The following MBTPS2 variants were observed in gnomAD, a reference collection of about 807,000 sequenced individuals.
MBTPS2 encodes the protein membrane bound transcription factor peptidase, site 2, also known as membrane-bound transcription factor site-2 protease.
Under a neutral mutation model 35.4 loss-of-function variants are expected in MBTPS2, and 2 were observed. The observed-to-expected ratio is 0.06, with a 90% confidence interval of 0.02 to 0.18. MBTPS2 has a LOEUF of 0.18. MBTPS2 is among the 10% of genes least tolerant of loss of function. The pLI, the probability that MBTPS2 is intolerant of heterozygous loss-of-function variation, is 1.00. For missense variants in MBTPS2, 244 were observed against 386.5 expected, an observed-to-expected ratio of 0.63 and a Z score of 3.09; for synonymous variants, 125 against 140.4, an observed-to-expected ratio of 0.89 and a Z score of 0.77.
rs1172444976 is a variant in MBTPS2 at position 21,852,504 on chromosome X, G to GT, written c.543-862dup. On this transcript the variant is annotated intron_variant, in intron 4 of 10. Coordinates refer to ENST00000379484, the MANE Select transcript of MBTPS2 (RefSeq NM_015884.4). ...AGTGGCTTAAAGTGGTGGCTGCTGGGTTTTTTTTTTCTTTTAAAATCGCCT... is the reference window on the plus strand; with the variant it reads ...AGTGGCTTAAAGTGGTGGCTGCTGGGTTTTTTTTTTTCTTTTAAAATCGCCT... 1.8e-4 allele frequency among the ~76,000 whole-genome samples: 19 copies of GT among 105,675 alleles called. 1 individual carries two copies. Among genetic ancestry groups the GT allele is most frequent in the Admixed American group, 8.1e-4 (8 of 9,877 alleles). 91.8% of individuals were successfully genotyped at this position (105,675 alleles called of 115,157 possible).
intron 5 of MBTPS2, chrX:21,856,355 T>C (rs1164885987): frequency 1.5e-6 from 1 of 647,441 alleles, no homozygotes; most frequent in Non-Finnish European, 2.3e-6. Context: ...TCTCTGCAGC[T>C]CGCGCCTTTC....
chrX:21,845,030 T>A (rs1261480730), intron 2 of MBTPS2, 141 bp from the exon 3 acceptor site: 8 of 899,802 alleles, frequency 8.9e-6, no homozygotes, highest in Non-Finnish European at 1.3e-5. Flanking sequence ...ATATTTGAAG[T>A]TCATGTAGGA....
chrX:21,852,057 C>T (rs1197628980), intron 4 of MBTPS2, among the ~76,000 whole-genome samples: 2 of 112,155 alleles, frequency 1.8e-5, no homozygotes, highest in Admixed American at 1.9e-4. Flanking sequence ...AAACTGAAAG[C>T]ACTGGGTTTA....
chrX:21,855,382 A>C (rs1271997909), intron 5 of MBTPS2, among the ~76,000 whole-genome samples: 1 of 111,398 alleles, frequency 9.0e-6, no homozygotes, highest in Non-Finnish European at 1.9e-5. Flanking sequence ...AATCAAAAAA[A>C]TCTAAATAGG....
At chrX:21,868,326 C>T in intron 5 of MBTPS2, 141 bp from the exon 6 acceptor site, 1 of 553,006 alleles carries the variant, frequency 1.8e-6, no homozygotes, top group Non-Finnish European at 3.3e-6. Context: ...GTCTGCTCTA[C>T]TAATAAGTAG....
intron 5 of MBTPS2, among the ~76,000 whole-genome samples, chrX:21,862,929 TAA>T (rs1491578053): frequency 4.4e-4 from 13 of 29,841 alleles, no homozygotes; most frequent in Admixed American, 3.6e-3. Flanking sequence ...CATATATATA[TAA>T]ACATATATAT....
At chrX:21,842,877 CTT>C (rs1370076943) in intron 1 of MBTPS2, among the ~76,000 whole-genome samples, 4 of 111,405 alleles carry the variant, frequency 3.6e-5, no homozygotes, top group Admixed American at 2.9e-4. Context: ...TTTTTATTGT[CTT>C]TTTATAATCC....
rs1269869119 is a variant in MBTPS2 at position 21,869,381 on chromosome X, G to C, written c.790-117G>C. 13 of 583,735 alleles carry C rather than the reference G, an allele frequency of 2.2e-5. No homozygotes were observed. The Admixed American group carries it at 2.7e-4, about 12-fold the overall frequency. 48.1% of individuals were successfully genotyped at this position (583,735 alleles called of 1,213,427 possible). ...GGACTATGTCTTGAATTCAAAGCTG[G>C]ATTATTTTCTGCATTCAAACTATTC... is the stretch of plus-strand genomic sequence containing the variant. On this transcript the variant is annotated intron_variant, in intron 6 of 10. Transcript: ENST00000379484.
chrX:21,841,197 G>A (rs982087392), intron 1 of MBTPS2, among the ~76,000 whole-genome samples: 4 of 111,599 alleles, frequency 3.6e-5, no homozygotes, highest in African/African-American at 9.8e-5. Flanking sequence ...GAGGTGGGAG[G>A]ATTGCCTGAG....
rs1000567402 is a variant in MBTPS2, at chrX:21,882,849, A to G, written c.*194A>G. 47 of 1,094,637 alleles carry G rather than the reference A, an allele frequency of 4.3e-5. No homozygotes were observed. The highest frequency in any genetic ancestry group is 9.1e-5 in the South Asian group (4 of 43,727). 90.2% of individuals were successfully genotyped at this position (1,094,637 alleles called of 1,213,427 possible). ...GTAGAAGATAAGCAGAAGAAATGAAAGGCATAGTCCCTGACTATATTCTAA... is the reference window on the plus strand; with the variant it reads ...GTAGAAGATAAGCAGAAGAAATGAAGGGCATAGTCCCTGACTATATTCTAA... On this transcript the variant is annotated 3_prime_UTR_variant, in exon 11 of 11. Coordinates refer to ENST00000379484, the MANE Select transcript of MBTPS2 (RefSeq NM_015884.4).
Position 21,883,894 on chromosome X carries a change from G to A in MBTPS2, c.*1239G>A. 2.7e-6 allele frequency: 2 copies of A among 754,177 alleles called. No homozygotes were observed. Among genetic ancestry groups the A allele is most frequent in the Non-Finnish European group, 3.1e-6 (2 of 639,374 alleles). 62.2% of individuals were successfully genotyped at this position (754,177 alleles called of 1,213,427 possible). A position where few individuals can be genotyped will look rare whatever the true frequency, so the allele number is the denominator to read the frequency against. On this transcript the variant is annotated 3_prime_UTR_variant, in exon 11 of 11. Coordinates refer to ENST00000379484, the MANE Select transcript of MBTPS2 (RefSeq NM_015884.4). ...CCTGGGAAATTTGGGGAGTCAGCAGGCCAGTGTGAAGCTATTGGTCCTAGG... is the reference window on the plus strand; with the variant it reads ...CCTGGGAAATTTGGGGAGTCAGCAGACCAGTGTGAAGCTATTGGTCCTAGG...
chrX:21,847,840 C>T (rs1019267823), intron 3 of MBTPS2, among the ~76,000 whole-genome samples: 2 of 111,668 alleles, frequency 1.8e-5, no homozygotes, highest in African/African-American at 6.5e-5. Context: ...TAAAAAGGGA[C>T]ATAGAAGTTC....
rs201999164 is a variant in MBTPS2 at position 21,865,317 on chromosome X, TG to T, written c.671-3149del. ...AGATACTTCCTGAGCACACTGTAAATGAAGATGTTTAAATTTTGAATTATGG... is the reference window on the plus strand; with the variant it reads ...AGATACTTCCTGAGCACACTGTAAATAAGATGTTTAAATTTTGAATTATGG... On this transcript the variant is annotated intron_variant, in intron 5 of 10. Transcript: ENST00000379484. Among the ~76,000 whole-genome samples the T allele has an allele frequency of 2.4e-3, 269 of 111,646 alleles. 1 individual carries two copies. The highest frequency in any genetic ancestry group is 8.2e-3 in the African/African-American group (253 of 30,757).
At chrX:21,867,667 T>A (rs2147447050) in intron 5 of MBTPS2, among the ~76,000 whole-genome samples, 1 of 102,983 alleles carries the variant, frequency 9.7e-6, no homozygotes, top group East Asian at 3.1e-4. Context: ...AGTCCTGCTC[T>A]GTGCTATGTC....
intron 5 of MBTPS2, chrX:21,858,304 G>T (rs2092926491): frequency 8.1e-6 from 1 of 123,150 alleles, no homozygotes; most frequent in Non-Finnish European, 1.9e-5. Context: ...AGATGCTGTT[G>T]TTTAGTGTAA....
intron 7 of MBTPS2, among the ~76,000 whole-genome samples, chrX:21,873,643 C>T (rs1340588434): frequency 9.0e-6 from 1 of 111,300 alleles, no homozygotes; most frequent in Non-Finnish European, 1.9e-5. Flanking sequence ...CAGACTCAGG[C>T]ATCCACCGTG....
intron 9 of MBTPS2, among the ~76,000 whole-genome samples, chrX:21,879,946 A>ATTCTTTTTTTTTTT (rs2092957234): frequency 2.5e-5 from 1 of 40,539 alleles, no homozygotes; most frequent in African/African-American, 1.9e-4. Flanking sequence ...GTTTTATGTT[A>ATTCTTTTTTTTTTT]TTCTTTTTTT....
chrX:21,880,380 C>T (rs1455702579), intron 9 of MBTPS2, among the ~76,000 whole-genome samples: 3 of 111,344 alleles, frequency 2.7e-5, no homozygotes, highest in Non-Finnish European at 5.6e-5. Context: ...AATAAAACCT[C>T]AACAAATGAA....
intron 10 of MBTPS2, among the ~76,000 whole-genome samples, chrX:21,881,326 C>G (rs2092959036): frequency 9.0e-6 from 1 of 111,191 alleles, no homozygotes; most frequent in Non-Finnish European, 1.9e-5. Flanking sequence ...TAGTTCTGAC[C>G]AAATAGAGAA....
Sources: gnomAD v4.1 joint callset for allele counts (sites outside exome capture counted in the v4.1 genomes callset) on GRCh38, gnomAD v4.1.1 for gene constraint, MANE v1.5 for transcripts, NCBI Gene and HGNC (gene_info 2026-07-23, HGNC 2026-07-21) for gene names.